ZNF503: variants seen among roughly 807,000 people sequenced by gnomAD.
ZNF503 encodes the protein NocA-like zinc finger 2.
In ZNF503, 15 loss-of-function variants were observed where a neutral mutation model predicts 34.4. That is an observed-to-expected ratio of 0.44 (90% confidence interval 0.29 to 0.67). The LOEUF (loss-of-function observed/expected upper bound fraction) is 0.67. Ranked by LOEUF, ZNF503 falls within the 30% of genes least tolerant of loss-of-function variation. The probability of loss-of-function intolerance (pLI) is 0.13; values close to 1 mark genes in which losing one functional copy is unlikely to be tolerated. For missense variants in ZNF503, 1,007 were observed against 926.8 expected (o/e 1.09, Z -1.12); for synonymous variants, 580 against 456.8 (o/e 1.27, Z -3.44).
At chr10:75,292,646 C>G in the ZNF503 span, among the ~76,000 whole-genome samples, 1 of 152,220 alleles carries the variant, frequency 6.6e-6, no homozygotes, top group East Asian at 1.9e-4. Flanking sequence ...CCAATCATTA[C>G]TAGCAGGAAG....
At chr10:75,300,415 T>A in the ZNF503 span, among the ~76,000 whole-genome samples, 2 of 152,134 alleles carry the variant, frequency 1.3e-5, no homozygotes, top group African/African-American at 4.8e-5. Context: ...ACATACATCC[T>A]CCTCAGTTTA....
the ZNF503 span, among the ~76,000 whole-genome samples, chr10:75,323,678 G>A: frequency 6.6e-6 from 1 of 152,048 alleles, no homozygotes; most frequent in Non-Finnish European, 1.5e-5. Flanking sequence ...CTTTGGTGAA[G>A]TGTGTGTTCA....
the ZNF503 span, among the ~76,000 whole-genome samples, chr10:75,365,405 C>G: frequency 1.3e-5 from 2 of 152,194 alleles, no homozygotes; most frequent in Non-Finnish European, 2.9e-5. Context: ...CTTGGCCTCC[C>G]AAAGTGCTGG....
Position 75,399,186 on chromosome 10 carries a change from G to A in ZNF503, c.1504C>T (p.Pro502Ser), listed in dbSNP as rs1441002369. The change falls in exon 2 of 2, where the codon CCC (proline) becomes TCC (serine). Residue 502 changes from proline (P) to serine (S), a missense_variant. Transcript: ENST00000372524. The stretch of plus-strand genomic sequence containing the variant: ...TCGTTAGGGAGCATAAAGCCGTAGG[G>A]GTAGAGGGGGTGGCCGGCCAGGGAG... ...PPSLAGHPLY[P>S]YGFMLPNDPL... 1.9e-6 allele frequency: 3 copies of A among 1,605,336 alleles called. No individual in the cohort carries two copies. The highest frequency in any genetic ancestry group is 2.6e-6 in the Non-Finnish European group (3 of 1,174,482).
rs1564758985 is a variant in ZNF503 at position 75,398,606 on chromosome 10, G to C, written c.*143C>G. On this transcript the variant is annotated 3_prime_UTR_variant, in exon 2 of 2. Transcript: ENST00000372524. The stretch of plus-strand genomic sequence containing the variant: ...CTCGGTCGCTGCTGTCGGGTAGATA[G>C]ATACGGTATACATTTCTTTCCTTTC... 1.4e-6 allele frequency: 1 copy of C among 696,298 alleles called. No individual in the cohort carries two copies. The highest frequency in any genetic ancestry group is 1.8e-5 in the African/African-American group (1 of 54,056). 43.1% of individuals were successfully genotyped at this position (696,298 alleles called of 1,614,324 possible). A position where few individuals can be genotyped will look rare whatever the true frequency, so the allele number is the denominator to read the frequency against.
At chr10:75,386,713 G>A in the ZNF503 span, among the ~76,000 whole-genome samples, 4 of 152,138 alleles carry the variant, frequency 2.6e-5, no homozygotes, top group African/African-American at 9.7e-5. Flanking sequence ...GCTTATTGAA[G>A]AACAAGACAT....
At chr10:75,352,834 A>G in the ZNF503 span, among the ~76,000 whole-genome samples, 1 of 152,250 alleles carries the variant, frequency 6.6e-6, no homozygotes, top group African/African-American at 2.4e-5. Context: ...GACAGCTGAG[A>G]GTACGGGATG....
At chr10:75,376,293 C>T in the ZNF503 span, among the ~76,000 whole-genome samples, 1 of 152,130 alleles carries the variant, frequency 6.6e-6, no homozygotes, top group Non-Finnish European at 1.5e-5. Flanking sequence ...TCCTTCCTTG[C>T]CCCACCACCC....
At chr10:75,308,424 A>C in the ZNF503 span, among the ~76,000 whole-genome samples, 1 of 152,208 alleles carries the variant, frequency 6.6e-6, no homozygotes, top group African/African-American at 2.4e-5. Context: ...CTAACACAAC[A>C]ACCATTCTTT....
chr10:75,333,356 G>C, the ZNF503 span, among the ~76,000 whole-genome samples: 1 of 41,860 alleles, frequency 2.4e-5, no homozygotes, highest in Non-Finnish European at 4.7e-5. Context: ...AGTAGGGGCG[G>C]CCGGGCAGAG....
chr10:75,329,685 C>G, the ZNF503 span, among the ~76,000 whole-genome samples: 5 of 151,934 alleles, frequency 3.3e-5, no homozygotes, highest in African/African-American at 1.2e-4. Flanking sequence ...CTTTGTTGCC[C>G]AGGCTGGTCT....
the ZNF503 span, among the ~76,000 whole-genome samples, chr10:75,340,852 C>A: frequency 2.6e-5 from 4 of 152,144 alleles, no homozygotes; most frequent in African/African-American, 7.2e-5. Flanking sequence ...CCACCCACCT[C>A]GGCCTCCCAA....
the ZNF503 span, among the ~76,000 whole-genome samples, chr10:75,370,261 C>A: frequency 6.6e-6 from 1 of 152,060 alleles, no homozygotes; most frequent in African/African-American, 2.4e-5. Flanking sequence ...AATGAAGAAG[C>A]CTAACCAAGA....
the ZNF503 span, among the ~76,000 whole-genome samples, chr10:75,301,797 T>C: frequency 1.8e-4 from 28 of 152,242 alleles, no homozygotes; most frequent in African/African-American, 6.5e-4. Flanking sequence ...TGCTCTATAC[T>C]GTTGTCATTT....
At chr10:75,393,463 A>G (rs1256173083), downstream of ZNF503, among the ~76,000 whole-genome samples, 1 of 152,162 alleles carries the variant, frequency 6.6e-6, no homozygotes, top group African/African-American at 2.4e-5. Flanking sequence ...GGGGGTAGCG[A>G]GGAAATAAGG....
At chr10:75,288,984 G>A in the ZNF503 span, among the ~76,000 whole-genome samples, 1 of 152,130 alleles carries the variant, frequency 6.6e-6, no homozygotes, top group East Asian at 1.9e-4. Flanking sequence ...TCTCTGAACT[G>A]GCCCAGCTCT....
At chr10:75,318,861 CCCTT>C in the ZNF503 span, among the ~76,000 whole-genome samples, 2 of 150,874 alleles carry the variant, frequency 1.3e-5, no homozygotes, top group Non-Finnish European at 2.9e-5. Context: ...TTAAAATCTT[CCCTT>C]CCTTCCTTCC....
At chr10:75,337,658 T>C in the ZNF503 span, among the ~76,000 whole-genome samples, 7 of 150,990 alleles carry the variant, frequency 4.6e-5, no homozygotes, top group African/African-American at 1.5e-4. Flanking sequence ...CCTAGATTAG[T>C]GTTTGGTTGA....
chr10:75,348,175 G>C, the ZNF503 span, among the ~76,000 whole-genome samples: 1 of 151,754 alleles, frequency 6.6e-6, no homozygotes, highest in Non-Finnish European at 1.5e-5. Context: ...TGATTCTCCT[G>C]CTTCAGCCTC....
Sources: gnomAD v4.1 joint callset for allele counts (sites outside exome capture counted in the v4.1 genomes callset) on GRCh38, gnomAD v4.1.1 for gene constraint, MANE v1.5 for transcripts, NCBI Gene and HGNC (gene_info 2026-07-23, HGNC 2026-07-21) for gene names.